The following SDK1 variants were observed in gnomAD, a reference collection of about 807,000 sequenced individuals.
SDK1 encodes sidekick cell adhesion molecule 1.
A neutral mutation model predicts 245.5 loss-of-function variants in SDK1; 157 were observed. The observed-to-expected ratio is 0.64, with a 90% CI of 0.56 to 0.73. The LOEUF is 0.73. Ranked by LOEUF, SDK1 falls within the 30% of genes least tolerant of loss-of-function variation. The pLI, the probability that SDK1 is intolerant of heterozygous loss-of-function variation, is 0.00. For missense variants in SDK1, 3,583 were observed against 3,002.3 expected (o/e 1.19, Z -4.52); for synonymous variants, 1,647 against 1,278.5 (o/e 1.29, Z -6.15).
At chr7:3,459,200 T>C (rs1322361341) in intron 1 of SDK1, among the ~76,000 whole-genome samples, 1 of 152,226 alleles carries the variant, frequency 6.6e-6, no homozygotes, top group African/African-American at 2.4e-5. Flanking sequence ...AAGTTTTGTC[T>C]ATTCTTTGAA....
chr7:3,603,442 G>C (rs28827834), intron 1 of SDK1, among the ~76,000 whole-genome samples: 28,649 of 146,990 alleles, frequency 0.19, 3,056 homozygotes, highest in South Asian at 0.28. Flanking sequence ...CTCTTTGAAG[G>C]AATTGTGAAT....
At chr7:3,934,700 G>A (rs773365767) in intron 5 of SDK1, among the ~76,000 whole-genome samples, 13 of 152,234 alleles carry the variant, frequency 8.5e-5, no homozygotes, top group South Asian at 2.1e-4. Flanking sequence ...CGATAAGCAC[G>A]TGTCCAAATG....
At chr7:3,511,800 T>TG (rs1197709666) in intron 1 of SDK1, among the ~76,000 whole-genome samples, 3 of 74,454 alleles carry the variant, frequency 4.0e-5, no homozygotes, top group Middle Eastern at 6.5e-3. Context: ...TTGTTTTTTG[T>TG]TTTTTTTTAA....
At chr7:3,866,344 C>T (rs143720044) in intron 5 of SDK1, among the ~76,000 whole-genome samples, 88 of 152,234 alleles carry the variant, frequency 5.8e-4, no homozygotes, top group Non-Finnish European at 1.1e-3. Context: ...GCTCTGATTC[C>T]AGTGGGGAAA....
At chr7:3,660,696 C>G (rs1053169435) in intron 4 of SDK1, among the ~76,000 whole-genome samples, 1 of 152,212 alleles carries the variant, frequency 6.6e-6, no homozygotes, top group African/African-American at 2.4e-5. Flanking sequence ...GCAGCACTAG[C>G]TCATGCTTCA....
rs571069492 is a variant in SDK1, at chr7:4,204,431, G to A, written c.5099-1448G>A. ...ACGGCAGGGTGGGCAGTGATAATAC[G>A]GAAACCACACAGTTAGAACAAAATA... is the stretch of plus-strand genomic sequence containing the variant. On this transcript the variant is annotated intron_variant, in intron 35 of 44. Coordinates refer to ENST00000404826, the MANE Select transcript of SDK1 (RefSeq NM_152744.4). Among the ~76,000 whole-genome samples the A allele has an allele frequency of 8.5e-5, 13 of 152,184 alleles. No individual in the cohort carries two copies. The East Asian group carries it at 1.9e-3, about 23-fold the overall frequency.
At chr7:3,965,907 G>A (rs887333606) in intron 9 of SDK1, among the ~76,000 whole-genome samples, 6 of 152,064 alleles carry the variant, frequency 3.9e-5, no homozygotes, top group African/African-American at 1.2e-4. Flanking sequence ...GAGCAAGCTC[G>A]GCATGTGTGC....
chr7:3,301,695 CGCCCCTCGCTGGCGCCGCGCCCCG>C lies in SDK1; in HGVS notation c.114_137del (p.Ser39_Pro46del). ...GCGGGGATCCCCGCCCGGCCGCGCC[CGCCCCTCGCTGGCGCCGCGCCCCG>C]GCCCGGAGCCCTCGCGACCCCGGGC... On this transcript the variant is annotated inframe_deletion, in exon 1 of 45. Transcript: ENST00000404826. 1 of 973,792 alleles carries C rather than the reference CGCCCCTCGCTGGCGCCGCGCCCCG, an allele frequency of 1.0e-6. No individual in the cohort carries two copies. The allele number at this position is 973,792 out of a possible 1,614,324, so 60.3% of individuals were successfully genotyped here.
chr7:3,537,857 G>A (rs1288974053), intron 1 of SDK1, among the ~76,000 whole-genome samples: 1 of 152,180 alleles, frequency 6.6e-6, no homozygotes, highest in Non-Finnish European at 1.5e-5. Context: ...TGGGGCCTCC[G>A]TGCACAAATC....
chr7:4,050,066 G>T (rs552336959), intron 18 of SDK1, among the ~76,000 whole-genome samples: 2 of 152,262 alleles, frequency 1.3e-5, no homozygotes, highest in African/African-American at 4.8e-5. Flanking sequence ...CTCCCTTTCA[G>T]ATCAGCTTCT....
intron 17 of SDK1, among the ~76,000 whole-genome samples, chr7:4,029,999 C>T (rs2128157958): frequency 6.6e-6 from 1 of 152,214 alleles, no homozygotes; most frequent in South Asian, 2.1e-4. Flanking sequence ...GGGTTTACAC[C>T]CAGAGAGAGC....
intron 1 of SDK1, among the ~76,000 whole-genome samples, chr7:3,364,680 T>C (rs1349113720): frequency 6.6e-6 from 1 of 152,216 alleles, no homozygotes; most frequent in Non-Finnish European, 1.5e-5. Context: ...TTACTATAGC[T>C]ATATAATAAG....
rs1781864539 is a variant in SDK1 at position 3,619,327 on chromosome 7, A to C, written c.458+88A>C. The C allele has an allele frequency of 3.6e-6, 4 of 1,096,512 alleles. No individual in the cohort carries two copies. The East Asian group carries it at 9.7e-5, about 27-fold the overall frequency. 67.9% of individuals were successfully genotyped at this position (1,096,512 alleles called of 1,614,324 possible). A position where few individuals can be genotyped will look rare whatever the true frequency, so the allele number is the denominator to read the frequency against. ...ACTGGTCATAATAGCACAATGAGTG[A>C]AAATATTGGATTGAATTTCTAATGC... On this transcript the variant is annotated intron_variant, in intron 2 of 44. Transcript: ENST00000404826.
In SDK1 at chr7:4,268,290, T is replaced by C. The variant is rs537417872; in HGVS notation, c.*2906T>C. 2.0e-6 allele frequency: 2 copies of C among 1,024,874 alleles called. No homozygotes were observed. Among genetic ancestry groups the C allele is most frequent in the Admixed American group, 1.1e-4 (2 of 19,036 alleles). 63.5% of individuals were successfully genotyped at this position (1,024,874 alleles called of 1,614,324 possible). ...ACAGGGATGGGTGTGCAGAGCTCCC[T>C]CCTCCTGGGGTGCCAGGGCAGAGAT... On this transcript the variant is annotated 3_prime_UTR_variant, in exon 45 of 45. Transcript: ENST00000404826.
At chr7:3,492,463 C>T (rs1781893660) in intron 1 of SDK1, among the ~76,000 whole-genome samples, 1 of 152,230 alleles carries the variant, frequency 6.6e-6, no homozygotes, top group Non-Finnish European at 1.5e-5. Context: ...CACCACACTC[C>T]AACCTGGGCG....
intron 32 of SDK1, among the ~76,000 whole-genome samples, chr7:4,172,258 G>A (rs1294993664): frequency 6.6e-6 from 1 of 152,202 alleles, no homozygotes; most frequent in African/African-American, 2.4e-5. Flanking sequence ...GAGCTAATGT[G>A]GTAGCAGGCC....
At chr7:3,705,906 T>C (rs1478144334) in intron 4 of SDK1, among the ~76,000 whole-genome samples, 1 of 152,188 alleles carries the variant, frequency 6.6e-6, no homozygotes, top group East Asian at 1.9e-4. Flanking sequence ...GGATGTGGGT[T>C]TGCCACAGAT....
intron 1 of SDK1, chr7:3,338,326 C>A (rs372552669): frequency 1.2e-5 from 6 of 499,308 alleles, no homozygotes; most frequent in African/African-American, 1.2e-4. Flanking sequence ...TACGATGTTA[C>A]TCAGCATGCT....
chr7:3,328,254 A>G (rs1295474767), intron 1 of SDK1, among the ~76,000 whole-genome samples: 1 of 152,160 alleles, frequency 6.6e-6, no homozygotes, highest in Non-Finnish European at 1.5e-5. Context: ...TGATTAGTAT[A>G]TTGTGGTGTT....
Sources: gnomAD v4.1 joint callset for allele counts (sites outside exome capture counted in the v4.1 genomes callset) on GRCh38, gnomAD v4.1.1 for gene constraint, MANE v1.5 for transcripts, NCBI Gene and HGNC (gene_info 2026-07-23, HGNC 2026-07-21) for gene names.